The following GSN variants were observed in gnomAD, a reference collection of about 807,000 sequenced individuals.
GSN encodes gelsolin.
A neutral mutation model predicts 85.7 loss-of-function variants in GSN; 56 were observed. That is an observed-to-expected ratio of 0.65 (90% CI 0.53 to 0.82). GSN has a LOEUF of 0.82. Among genes scored for constraint, GSN ranks in the 40% least tolerant of loss-of-function variants. The probability of loss-of-function intolerance (pLI) is 0.00; values close to 1 mark genes in which losing one functional copy is unlikely to be tolerated. For missense variants in GSN, 857 were observed against 979.8 expected (o/e 0.87, Z 1.67); for synonymous variants, 373 against 399.1 (o/e 0.93, Z 0.78).
At chr9:121,300,192 G>A (rs568439464) in intron 2 of GSN, 3 of 1,131,626 alleles carry the variant, frequency 2.7e-6, no homozygotes, top group African/African-American at 3.0e-5. Flanking sequence ...CGGGGCCCTG[G>A]CTGTTCCTTC....
upstream of GSN, among the ~76,000 whole-genome samples, chr9:121,206,656 T>C (rs1018617303): frequency 4.6e-5 from 7 of 152,190 alleles, no homozygotes; most frequent in Non-Finnish European, 5.9e-5. Context: ...TTTATTGTCA[T>C]TGAAGCATTC....
intron 6 of GSN, among the ~76,000 whole-genome samples, chr9:121,249,181 GGGC>G (rs2054763529): frequency 2.0e-5 from 3 of 152,124 alleles, no homozygotes; most frequent in Non-Finnish European, 4.4e-5. Flanking sequence ...GCAAGAGACT[GGGC>G]GTGGTGGCTC....
chr9:121,243,870 A>G (rs1036337160), intron 5 of GSN, among the ~76,000 whole-genome samples: 29 of 152,176 alleles, frequency 1.9e-4, no homozygotes, highest in African/African-American at 7.0e-4. Context: ...GAGCCACTGC[A>G]CCTAGCCATA....
At chr9:121,231,070 T>C (rs921058155) in intron 4 of GSN, 2 of 152,182 alleles carry the variant, frequency 1.3e-5, no homozygotes, top group African/African-American at 4.8e-5. Context: ...ACTCCTCCTT[T>C]AGTACATGAT....
rs1435511425 is a variant in GSN, at chr9:121,318,995, G to A, written c.1191+115G>A. The A allele has an allele frequency of 2.4e-6, 2 of 846,244 alleles. No individual in the cohort carries two copies. The highest frequency in any genetic ancestry group is 3.9e-6 in the Non-Finnish European group (2 of 514,968). 52.4% of individuals were successfully genotyped at this position (846,244 alleles called of 1,614,324 possible). On this transcript the variant is annotated intron_variant, in intron 10 of 17. Transcript: ENST00000432226. The surrounding 1 kb of genome is among the most constrained non-coding windows in gnomAD (Gnocchi z 4.3). ...TGAGGTTTGCACAACTTTGGTAGCTGAGATTCTTTGGTGTTACTTAGTTTT... is the reference window on the plus strand; with the variant it reads ...TGAGGTTTGCACAACTTTGGTAGCTAAGATTCTTTGGTGTTACTTAGTTTT...
At chr9:121,323,850 C>T (rs560563110) in intron 11 of GSN, among the ~76,000 whole-genome samples, 5 of 152,240 alleles carry the variant, frequency 3.3e-5, no homozygotes, top group South Asian at 2.1e-4. Context: ...AATTTGACAA[C>T]CCCAGACATT....
At chr9:121,257,386 C>T (rs533104292) in intron 6 of GSN, among the ~76,000 whole-genome samples, 3 of 152,290 alleles carry the variant, frequency 2.0e-5, no homozygotes, top group South Asian at 2.1e-4. Context: ...ATGAGAAAAT[C>T]GGGAATCAAA....
intron 2 of GSN, chr9:121,283,301 CTTTTTTTT>C (rs56834014): frequency 7.1e-6 from 1 of 140,554 alleles, no homozygotes; most frequent in Non-Finnish European, 1.6e-5. Context: ...CTTTCTTTTT[CTTTTTTTT>C]TTTTTTTAGA....
At chr9:121,253,213 G>A (rs2054876739) in intron 6 of GSN, among the ~76,000 whole-genome samples, 1 of 152,196 alleles carries the variant, frequency 6.6e-6, no homozygotes, top group Admixed American at 6.5e-5. Flanking sequence ...TAGAATGTCA[G>A]CCTACAAATT....
intron 5 of GSN, among the ~76,000 whole-genome samples, chr9:121,235,400 A>G (rs1052456068): frequency 7.2e-5 from 11 of 152,142 alleles, no homozygotes; most frequent in African/African-American, 2.2e-4. Context: ...AGATTACCCA[A>G]AGAGATTATG....
intron 4 of GSN, among the ~76,000 whole-genome samples, chr9:121,304,514 T>A (rs1588981627): frequency 6.6e-6 from 1 of 152,266 alleles, no homozygotes; most frequent in East Asian, 1.9e-4. Flanking sequence ...GGATTCAGGT[T>A]GGAAGGCTAC....
chr9:121,241,750 G>C (rs929059273), intron 5 of GSN, among the ~76,000 whole-genome samples: 3 of 152,178 alleles, frequency 2.0e-5, no homozygotes, highest in African/African-American at 7.2e-5. Context: ...ATTAAACTCG[G>C]ATACATCATG....
chr9:121,231,422 A>G (rs961253203), intron 5 of GSN: 13 of 152,222 alleles, frequency 8.5e-5, no homozygotes, highest in Non-Finnish European at 2.9e-5. Flanking sequence ...CTACACTTCA[A>G]ATAAGAACTG....
rs867786838 is a variant in GSN, at chr9:121,317,099, C to G, written c.767C>G (p.Ala256Gly). 6 of 1,614,180 alleles carry G rather than the reference C, an allele frequency of 3.7e-6. No individual in the cohort carries two copies. The Middle Eastern group carries it at 4.9e-4, about 133-fold the overall frequency. Residue 256 changes from alanine to glycine, a missense_variant, in exon 8 of 18, where the codon GCA becomes GGA. Physicochemically the swap from Ala to Gly is moderately conservative, Grantham distance 60. Coordinates refer to ENST00000432226, the MANE Select transcript of GSN (RefSeq NM_198252.3). ...LAKLYKVSNGAGTMSVSLVAD... is the reference protein window; with the variant it reads ...LAKLYKVSNGGGTMSVSLVAD... ...TCGTCCCCTCAGGTCTCCAATGGTG[C>G]AGGGACCATGTCCGTCTCCCTCGTG... is the stretch of plus-strand genomic sequence containing the variant.
intron 2 of GSN, chr9:121,285,503 G>C (rs534971488): frequency 8.3e-5 from 14 of 167,836 alleles, no homozygotes; most frequent in African/African-American, 3.1e-4. Context: ...AGCATGGCCA[G>C]GTGGCTGGGT....
At chr9:121,306,120 T>C (rs2060392816) in intron 4 of GSN, among the ~76,000 whole-genome samples, 1 of 152,158 alleles carries the variant, frequency 6.6e-6, no homozygotes, top group Non-Finnish European at 1.5e-5. Flanking sequence ...ATTTTTGGAC[T>C]GAATCCTGGA....
rs1432630136 is a variant in GSN, at chr9:121,326,620, C to T, written c.1525C>T (p.Pro509Ser). 2 of 1,604,896 alleles carry T rather than the reference C, an allele frequency of 1.2e-6. No homozygotes were observed. Among genetic ancestry groups the T allele is most frequent in the Admixed American group, 1.7e-5 (1 of 59,132 alleles). The change falls in exon 13 of 18, where the codon CCT becomes TCT. Residue 509 changes from proline to serine, a missense_variant. By Grantham distance (74) the Pro-to-Ser change is moderately conservative. Transcript: ENST00000432226. ...CTCCCGCGAGGGCGGGCAGACAGCCCCTGCCAGCACCCGCCTCTTCCAGGT... is the reference window on the plus strand; with the variant it reads ...CTCCCGCGAGGGCGGGCAGACAGCCTCTGCCAGCACCCGCCTCTTCCAGGT... ...GTSREGGQTA[P>S]ASTRLFQVRA...
chr9:121,293,413 T>C (rs1213246054), intron 2 of GSN, among the ~76,000 whole-genome samples: 3 of 152,054 alleles, frequency 2.0e-5, no homozygotes, highest in African/African-American at 7.2e-5. Context: ...CTTTCCATTT[T>C]TTTTTTTTTA....
chr9:121,230,199 G>C (rs1199686158), intron 4 of GSN, among the ~76,000 whole-genome samples: 1 of 152,172 alleles, frequency 6.6e-6, no homozygotes, highest in Non-Finnish European at 1.5e-5. Context: ...TCTGGTACCA[G>C]ATATTCCAGG....
Sources: gnomAD v4.1 joint callset for allele counts (sites outside exome capture counted in the v4.1 genomes callset) on GRCh38, gnomAD v4.1.1 for gene constraint, Gnocchi (gnomAD v3.1) non-coding constraint, MANE v1.5 for transcripts, NCBI Gene and HGNC (gene_info 2026-07-23, HGNC 2026-07-21) for gene names.